The following BET1 variants were observed in gnomAD, a reference collection of about 807,000 sequenced individuals.
BET1 encodes BET1 homolog.
A neutral mutation model predicts 13.9 loss-of-function variants in BET1; 9 were observed. The observed-to-expected ratio is 0.65, with a 90% CI of 0.39 to 1.13. The LOEUF is 1.13. BET1 is among the 50% of genes most tolerant of loss of function. BET1 has a pLI of 0.01. For synonymous variants in BET1, 39 were observed against 47.3 expected (o/e 0.82, Z 0.72); for missense variants, 127 against 133.6 (o/e 0.95, Z 0.24).
chr7:93,975,807 T>C, intron 5 of BET1: 1 of 512,212 alleles, frequency 2.0e-6, no homozygotes, highest in Non-Finnish European at 2.7e-6. Context: ...TGTCATGATG[T>C]TCTCTTTTAA....
chr7:93,965,706 T>A (rs1471393301), intron 6 of BET1: 2 of 152,012 alleles, frequency 1.3e-5, no homozygotes, highest in African/African-American at 2.4e-5. Context: ...AATACAAGAT[T>A]TATGAAAGTA....
At chr7:93,999,980 C>A (rs1451679754) in intron 1 of BET1, among the ~76,000 whole-genome samples, 1 of 152,144 alleles carries the variant, frequency 6.6e-6, no homozygotes, top group Non-Finnish European at 1.5e-5. Flanking sequence ...CACCTCCCTG[C>A]CTAATATAGT....
intron 4 of BET1, among the ~76,000 whole-genome samples, chr7:93,980,050 A>G (rs943396060): frequency 6.6e-6 from 1 of 152,180 alleles, no homozygotes; most frequent in Non-Finnish European, 1.5e-5. Flanking sequence ...ATAAATTCCT[A>G]GAAACCTACA....
rs1795560599 is a variant in BET1 at position 93,988,068 on chromosome 7, T to A, written c.235+6284A>T. ...TATTTTTATTAGGGGCCTTTTATGG[T>A]CTCAGCACTGGAATTTTAGTGAGAG... On this transcript the variant is annotated intron_variant and NMD_transcript_variant, in intron 4 of 6. Coordinates refer to the BET1 transcript ENST00000357520. Among the ~76,000 whole-genome samples the A allele has an allele frequency of 2.0e-5, 3 of 152,194 alleles. No homozygotes were observed. The South Asian group carries it at 6.2e-4, about 31-fold the overall frequency.
Position 93,993,949 on chromosome 7 carries a change from T to G in BET1, c.*281A>C, listed in dbSNP as rs1488902885. On this transcript the variant is annotated 3_prime_UTR_variant, in exon 4 of 4. Transcript: ENST00000222547. ...TACAACAAAATATTATAATGCTATTTAATCTGACAGTTGGCAAACAATAGA... is the reference window on the plus strand; with the variant it reads ...TACAACAAAATATTATAATGCTATTGAATCTGACAGTTGGCAAACAATAGA... 1 of 1,534,568 alleles carries G rather than the reference T, an allele frequency of 6.5e-7. No homozygotes were observed. The highest frequency in any genetic ancestry group is 8.7e-7 in the Non-Finnish European group (1 of 1,146,396).
At chr7:93,970,113 G>A (rs190692225) in intron 6 of BET1, among the ~76,000 whole-genome samples, 144 of 151,876 alleles carry the variant, frequency 9.5e-4, no homozygotes, top group Admixed American at 1.6e-3. Flanking sequence ...TAGAGTATTT[G>A]CATTAAAGAT....
At chr7:93,998,945 C>G (rs1018279021) in intron 2 of BET1, among the ~76,000 whole-genome samples, 2 of 152,004 alleles carry the variant, frequency 1.3e-5, no homozygotes, top group African/African-American at 4.8e-5. Context: ...CAAAAAAGAG[C>G]TGGAGATTTT....
chr7:93,976,332 G>C (rs1795335142), intron 4 of BET1, among the ~76,000 whole-genome samples: 1 of 143,854 alleles, frequency 7.0e-6, no homozygotes, highest in Admixed American at 7.0e-5. Context: ...ACATTTTAAA[G>C]ATATCTACTT....
chr7:93,992,403 T>C, downstream of BET1: 1 of 985,430 alleles, frequency 1.0e-6, no homozygotes, highest in Non-Finnish European at 1.2e-6. Flanking sequence ...AAGGCTTTGA[T>C]ATCCTCTACT....
chr7:93,966,743 C>T (rs1795180097), intron 6 of BET1, among the ~76,000 whole-genome samples: 1 of 151,398 alleles, frequency 6.6e-6, no homozygotes, highest in African/African-American at 2.4e-5. Flanking sequence ...GGATATCAGC[C>T]CAAAGGATTG....
At chr7:93,987,384 G>C (rs1795547304) in intron 4 of BET1, 1 of 152,132 alleles carries the variant, frequency 6.6e-6, no homozygotes, top group African/African-American at 2.4e-5. Context: ...TGACTGTAGG[G>C]GTTTAAAAAG....
At chr7:93,997,133 A>T (rs1795788986) in intron 2 of BET1, among the ~76,000 whole-genome samples, 1 of 152,202 alleles carries the variant, frequency 6.6e-6, no homozygotes, top group African/African-American at 2.4e-5. Flanking sequence ...AATACTTTAT[A>T]GGACAGATTC....
chr7:93,970,069 A>C (rs1400265542), intron 6 of BET1, among the ~76,000 whole-genome samples: 1 of 151,812 alleles, frequency 6.6e-6, no homozygotes, highest in African/African-American at 2.4e-5. Flanking sequence ...TGAAATACCT[A>C]AATTCACAAT....
chr7:93,977,658 CCTCACAGGGGCACT>C (rs1342957712), intron 4 of BET1, among the ~76,000 whole-genome samples: 1 of 152,046 alleles, frequency 6.6e-6, no homozygotes, highest in African/African-American at 2.4e-5. Flanking sequence ...CGGGACCAAC[CCTCACAGGGGCACT>C]CTATGCAGAA....
downstream of BET1, among the ~76,000 whole-genome samples, chr7:93,989,997 ACAT>A (rs1250110493): frequency 6.6e-6 from 1 of 152,144 alleles, no homozygotes; most frequent in Non-Finnish European, 1.5e-5. Flanking sequence ...TCTTTAATAG[ACAT>A]CATCATAACA....
At chr7:93,991,630 A>T, downstream of BET1, 1 of 200,528 alleles carries the variant, frequency 5.0e-6, no homozygotes, top group Non-Finnish European at 8.9e-6. Flanking sequence ...ATTTTTATAC[A>T]ATTTTTATTC....
chr7:93,980,635 C>T (rs562472969), intron 4 of BET1, among the ~76,000 whole-genome samples: 1 of 152,088 alleles, frequency 6.6e-6, no homozygotes, highest in Admixed American at 6.6e-5. Context: ...AAAGGCCATA[C>T]ATGGAAAGCC....
At chr7:93,973,963 C>T (rs930238374) in intron 5 of BET1, among the ~76,000 whole-genome samples, 1 of 151,864 alleles carries the variant, frequency 6.6e-6, no homozygotes, top group African/African-American at 2.4e-5. Flanking sequence ...AAGAACTGCA[C>T]ACAAATAATA....
At chr7:93,979,043 C>T (rs544384727) in intron 4 of BET1, among the ~76,000 whole-genome samples, 1 of 152,306 alleles carries the variant, frequency 6.6e-6, no homozygotes, top group African/African-American at 2.4e-5. Context: ...ATAATTGATG[C>T]TGCTGCTTCT....
Sources: allele counts gnomAD v4.1 joint callset (sites outside exome capture counted in the v4.1 genomes callset), GRCh38; gene constraint gnomAD v4.1.1; transcripts MANE v1.5; gene names NCBI Gene and HGNC (gene_info 2026-07-23, HGNC 2026-07-21).